The following SIX3 variants were observed in gnomAD, a reference collection of about 807,000 sequenced individuals.
The protein encoded by SIX3 is homeobox protein SIX3.
A neutral mutation model predicts 21.7 loss-of-function variants in SIX3; 2 were observed. That is an observed-to-expected ratio of 0.09 (90% confidence interval 0.04 to 0.29). SIX3 has a LOEUF of 0.29. SIX3 is among the 10% of genes least tolerant of loss of function. The probability of loss-of-function intolerance (pLI) is 1.00; values close to 1 mark genes in which losing one functional copy is unlikely to be tolerated. For synonymous variants in SIX3, 243 were observed against 220.6 expected, an observed-to-expected ratio of 1.10 and a Z score of -0.90; for missense variants, 347 against 480.7, an observed-to-expected ratio of 0.72 and a Z score of 2.60.
At chr2:44,943,120 G>T (rs897786758) in intron 1 of SIX3, among the ~76,000 whole-genome samples, 2 of 152,192 alleles carry the variant, frequency 1.3e-5, no homozygotes, top group Non-Finnish European at 1.5e-5. Flanking sequence ...AGGGGCTTTC[G>T]TCAGGGCAGA....
intron 1 of SIX3, 53 bp from the exon 2 acceptor site, chr2:44,944,515 G>T (rs1666649486): frequency 1.3e-6 from 2 of 1,520,110 alleles, no homozygotes; most frequent in South Asian, 2.4e-5. Context: ...GCGCGGGGGA[G>T]CCGGGTGGCG....
At chr2:44,943,710 G>A (rs1666631806) in intron 1 of SIX3, among the ~76,000 whole-genome samples, 1 of 152,254 alleles carries the variant, frequency 6.6e-6, no homozygotes, top group African/African-American at 2.4e-5. Flanking sequence ...AGTGGGGAGA[G>A]AAGGGAGAAA....
At position 44,942,269 on chromosome 2, in the gene SIX3, A is replaced by T; in HGVS notation, c.165A>T (p.Gly55=). Residue 55 remains glycine (G), a synonymous_variant, in exon 1 of 2, where the codon GGA becomes GGT. Coordinates refer to ENST00000260653, the MANE Select transcript of SIX3 (RefSeq NM_005413.4). The surrounding 1 kb of genome is among the most constrained non-coding windows in gnomAD (Gnocchi z 8.4). ...GGGSGGGNGA[G]GGGAGGAGGG... ...GCAGCGGCGGCGGGAACGGTGCGGGAGGCGGCGGTGCTGGCGGAGCAGGCG... is the reference window on the plus strand; with the variant it reads ...GCAGCGGCGGCGGGAACGGTGCGGGTGGCGGCGGTGCTGGCGGAGCAGGCG... The T allele has an allele frequency of 6.5e-7, 1 of 1,539,642 alleles. No homozygotes were observed. Among genetic ancestry groups the T allele is most frequent in the Non-Finnish European group, 8.7e-7 (1 of 1,149,712 alleles).
At chr2:44,944,449 C>A in intron 1 of SIX3, 119 bp from the exon 2 acceptor site, 1 of 1,205,992 alleles carries the variant, frequency 8.3e-7, no homozygotes. Flanking sequence ...TCCTCCGAGG[C>A]CAGCCTCTAT....
In SIX3 at chr2:44,942,004, C is replaced by G; in HGVS notation, c.-101C>G. The G allele has an allele frequency of 1.2e-6, 1 of 840,314 alleles. No individual in the cohort carries two copies. The highest frequency in any genetic ancestry group is 1.8e-5 in the Admixed American group (1 of 55,636). 52.1% of individuals were successfully genotyped at this position (840,314 alleles called of 1,614,324 possible). A position where few individuals can be genotyped will look rare whatever the true frequency, so the allele number is the denominator to read the frequency against. Reference sequence around the variant, plus strand: ...CCCTCCTTTCCTTCTCCTCCTCCCCCCTCTCCTCTCCCTCCTCCTGGTCCT... The same window carrying G: ...CCCTCCTTTCCTTCTCCTCCTCCCCGCTCTCCTCTCCCTCCTCCTGGTCCT... On this transcript the variant is annotated 5_prime_UTR_variant, in exon 1 of 2. Transcript: ENST00000260653. The surrounding 1 kb of genome is among the most constrained non-coding windows in gnomAD (Gnocchi z 8.4).
In SIX3 at chr2:44,944,856, T is replaced by G; in HGVS notation, c.*96T>G. Reference sequence around the variant, plus strand: ...CTCCTCTTCCTCCTCTTCCTTCTCCTCCTCCATCCCCAGAACAAACCGAAA... The same window carrying G: ...CTCCTCTTCCTCCTCTTCCTTCTCCGCCTCCATCCCCAGAACAAACCGAAA... On this transcript the variant is annotated 3_prime_UTR_variant, in exon 2 of 2. Transcript: ENST00000260653. 8.6e-7 allele frequency: 1 copy of G among 1,160,516 alleles called. No homozygotes were observed. 71.9% of individuals were successfully genotyped at this position (1,160,516 alleles called of 1,614,324 possible).
At position 44,941,989 on chromosome 2, in the gene SIX3, C is replaced by T. The variant is rs1440804307; in HGVS notation, c.-116C>T. 1 of 707,594 alleles carries T rather than the reference C, an allele frequency of 1.4e-6. No homozygotes were observed. The highest frequency in any genetic ancestry group is 2.5e-6 in the Non-Finnish European group (1 of 404,156). The allele number at this position is 707,594 out of a possible 1,614,324, so 43.8% of individuals were successfully genotyped here. ...CCTCCTCCTGCTCCCCCCTCCTTTC[C>T]TTCTCCTCCTCCCCCCTCTCCTCTC... On this transcript the variant is annotated 5_prime_UTR_variant, in exon 1 of 2. Transcript: ENST00000260653.
At position 44,945,215 on chromosome 2, in the gene SIX3, C is replaced by G. The variant is rs148138906; in HGVS notation, c.*455C>G. On this transcript the variant is annotated 3_prime_UTR_variant, in exon 2 of 2. Coordinates refer to ENST00000260653, the MANE Select transcript of SIX3 (RefSeq NM_005413.4). Reference sequence around the variant, plus strand: ...TCTAGTTAAAAATGATTTAAAGAGTCGACTATACAAAAATCAATCACCACC... The same window carrying G: ...TCTAGTTAAAAATGATTTAAAGAGTGGACTATACAAAAATCAATCACCACC... The G allele has an allele frequency of 1.3e-5, 2 of 156,998 alleles. No individual in the cohort carries two copies. The highest frequency in any genetic ancestry group is 3.7e-4 in the East Asian group (2 of 5,370). 9.7% of individuals were successfully genotyped at this position (156,998 alleles called of 1,614,324 possible).
intron 1 of SIX3, 68 bp from the exon 2 acceptor site, chr2:44,944,500 C>A (rs918961033): frequency 2.0e-6 from 3 of 1,481,830 alleles, no homozygotes; most frequent in Middle Eastern, 2.3e-4. Context: ...GAATGGGGAG[C>A]GGCGGCGCGG....
Position 44,942,094 on chromosome 2 carries a change from C to A in SIX3, c.-11C>A. 6.3e-7 allele frequency: 1 copy of A among 1,586,532 alleles called. No individual in the cohort carries two copies. On this transcript the variant is annotated 5_prime_UTR_variant, in exon 1 of 2. Coordinates refer to ENST00000260653, the MANE Select transcript of SIX3 (RefSeq NM_005413.4). The surrounding 1 kb of genome is among the most constrained non-coding windows in gnomAD (Gnocchi z 8.4). The stretch of plus-strand genomic sequence containing the variant: ...CTCCCTGAATTTTCTCCTCTCCTCT[C>A]AGGTCAGTCCATGGTATTCCGCTCC...
Position 44,944,828 on chromosome 2 carries a change from C to CTCT in SIX3, c.*70_*71insTTC. The CTCT allele has an allele frequency of 7.2e-7, 1 of 1,395,650 alleles. No individual in the cohort carries two copies. Among genetic ancestry groups the CTCT allele is most frequent in the Non-Finnish European group, 9.8e-7 (1 of 1,016,654 alleles). 86.5% of individuals were successfully genotyped at this position (1,395,650 alleles called of 1,614,324 possible). On this transcript the variant is annotated 3_prime_UTR_variant, in exon 2 of 2. Coordinates refer to ENST00000260653, the MANE Select transcript of SIX3 (RefSeq NM_005413.4). ...ACTCCTTCCCCTCCGCCTCCTAGCCCTCCTCCTCTTCCTCCTCTTCCTTCT... is the reference window on the plus strand; with the variant it reads ...ACTCCTTCCCCTCCGCCTCCTAGCCCTCTTCCTCCTCTTCCTCCTCTTCCTTCT...
In SIX3 at chr2:44,945,565, G is replaced by C. The variant is rs971627359; in HGVS notation, c.*805G>C. ...TTTTCTCTCCACTCTGTCACTGCCT[G>C]TGTGGGTACTGGTTATAAATGTGGA... On this transcript the variant is annotated 3_prime_UTR_variant, in exon 2 of 2. Coordinates refer to ENST00000260653, the MANE Select transcript of SIX3 (RefSeq NM_005413.4). The C allele has an allele frequency of 1.3e-5, 2 of 152,170 alleles. No homozygotes were observed. The highest frequency in any genetic ancestry group is 2.4e-5 in the African/African-American group (1 of 41,432). The allele number at this position is 152,170 out of a possible 1,614,324, so 9.4% of individuals were successfully genotyped here.
At position 44,942,190 on chromosome 2, in the gene SIX3, T is replaced by C. The variant is rs181010373; in HGVS notation, c.86T>C (p.Leu29Pro). ...FADSHHRSIL[L>P]ASSGGGNGAG... ...GATTCTCACCACCGCTCCATACTTC[T>C]GGCGAGTAGCGGCGGCGGGAACGGT... The change falls in exon 1 of 2, where the codon CTG becomes CCG. Residue 29 changes from leucine (L) to proline (P), a missense_variant. Around this residue, in one of 4 missense-constraint regions of SIX3, gnomAD observed 105 missense variants for 116.1 expected, o/e 0.90. Transcript: ENST00000260653. The surrounding 1 kb of genome is among the most constrained non-coding windows in gnomAD (Gnocchi z 8.4). 3.9e-5 allele frequency: 62 copies of C among 1,596,190 alleles called. 1 individual carries two copies. In the South Asian group the frequency reaches 5.2e-4, roughly 13 times the overall value.
rs767493475 is a variant in SIX3, at chr2:44,944,782, C to T, written c.*22C>T. On this transcript the variant is annotated 3_prime_UTR_variant, in exon 2 of 2. Coordinates refer to ENST00000260653, the MANE Select transcript of SIX3 (RefSeq NM_005413.4). Reference sequence around the variant, plus strand: ...ATGATAGCCAAGGCCGCCCTCCTCCCTCTCCTTCCCCTCCTCCCCCACTCC... The same window carrying T: ...ATGATAGCCAAGGCCGCCCTCCTCCTTCTCCTTCCCCTCCTCCCCCACTCC... 3 of 1,557,630 alleles carry T rather than the reference C, an allele frequency of 1.9e-6. No individual in the cohort carries two copies. In the South Asian group the frequency reaches 3.5e-5, roughly 18 times the overall value.
rs1429824168 is a variant in SIX3, at chr2:44,942,035, C to A, written c.-70C>A. The A allele has an allele frequency of 5.7e-6, 7 of 1,225,866 alleles. No individual in the cohort carries two copies. The Admixed American group carries it at 8.7e-5, about 15-fold the overall frequency. 75.9% of individuals were successfully genotyped at this position (1,225,866 alleles called of 1,614,324 possible). A position where few individuals can be genotyped will look rare whatever the true frequency, so the allele number is the denominator to read the frequency against. ...CTCTCCCTCCTCCTGGTCCTCATCGCCCCTCTCCTCCTCTTCCTCCCCTCT... is the reference window on the plus strand; with the variant it reads ...CTCTCCCTCCTCCTGGTCCTCATCGACCCTCTCCTCCTCTTCCTCCCCTCT... On this transcript the variant is annotated 5_prime_UTR_variant, in exon 1 of 2. Transcript: ENST00000260653. The surrounding 1 kb of genome is among the most constrained non-coding windows in gnomAD (Gnocchi z 8.4).
At chr2:44,943,058 C>G in intron 1 of SIX3, 148 bp downstream of exon 1, 2 of 1,343,838 alleles carry the variant, frequency 1.5e-6, no homozygotes, top group Non-Finnish European at 2.0e-6. Flanking sequence ...GTCCGGGACG[C>G]GCGGAAGAGG....
At position 44,945,397 on chromosome 2, in the gene SIX3, C is replaced by A. The variant is rs1203762840; in HGVS notation, c.*637C>A. 2 of 134,170 alleles carry A rather than the reference C, an allele frequency of 1.5e-5. No individual in the cohort carries two copies. Among genetic ancestry groups the A allele is most frequent in the African/African-American group, 2.9e-5 (1 of 34,244 alleles). 8.3% of individuals were successfully genotyped at this position (134,170 alleles called of 1,614,324 possible). A position where few individuals can be genotyped will look rare whatever the true frequency, so the allele number is the denominator to read the frequency against. On this transcript the variant is annotated 3_prime_UTR_variant, in exon 2 of 2. Coordinates refer to ENST00000260653, the MANE Select transcript of SIX3 (RefSeq NM_005413.4). ...AGAGGGAAATAGCAAATGTGTCTTG[C>A]CTTTTGTTGCTCTCTCTCTCTTTTT...
rs774300919 is a variant in SIX3 at position 44,942,635 on chromosome 2, C to G, written c.531C>G (p.Ala177=). 21 of 1,595,886 alleles carry G rather than the reference C, an allele frequency of 1.3e-5. No homozygotes were observed. The highest frequency in any genetic ancestry group is 1.6e-5 in the Non-Finnish European group (19 of 1,178,458). Residue 177 remains alanine, a synonymous_variant, in exon 1 of 2, where the codon GCC becomes GCG. Transcript: ENST00000260653. The surrounding 1 kb of genome is among the most constrained non-coding windows in gnomAD (Gnocchi z 8.4). ...AMWLEAHYQE[A]EKLRGRPLGP... ...GGCTCGAGGCGCACTACCAGGAGGCCGAGAAGCTGCGCGGCCGCCCACTCG... is the reference window on the plus strand; with the variant it reads ...GGCTCGAGGCGCACTACCAGGAGGCGGAGAAGCTGCGCGGCCGCCCACTCG...
chr2:44,942,363 T>A lies in SIX3; in HGVS notation c.259T>A (p.Phe87Ile). ...CATGTTCCAGCTGCCCACCCTCAAC[T>A]TCTCGCCGGAGCAGGTGGCCAGCGT... ...LSMFQLPTLNFSPEQVASVCE... is the reference protein window; with the variant it reads ...LSMFQLPTLNISPEQVASVCE... Residue 87 changes from phenylalanine (F) to isoleucine (I), a missense_variant, in exon 1 of 2, where the codon TTC becomes ATC. Phe to Ile is a conservative substitution (Grantham distance 21). Transcript: ENST00000260653. This position sits in a 1 kb window ranked among gnomAD's most constrained non-coding sequence, Gnocchi z 8.4. The A allele has an allele frequency of 6.3e-7, 1 of 1,597,628 alleles. No homozygotes were observed. Among genetic ancestry groups the A allele is most frequent in the Non-Finnish European group, 8.5e-7 (1 of 1,179,548 alleles).
Sources: allele counts gnomAD v4.1 joint callset (sites outside exome capture counted in the v4.1 genomes callset), GRCh38; gene constraint gnomAD v4.1.1; regional missense constraint gnomAD v4.1.1; non-coding constraint Gnocchi (gnomAD v3.1); transcripts MANE v1.5; gene names NCBI Gene and HGNC (gene_info 2026-07-23, HGNC 2026-07-21).